Variants in FAM118B observed in about 807,000 individuals in gnomAD.
The protein encoded by FAM118B is protein FAM118B.
FAM118B carries 24 observed loss-of-function variants against 38.5 expected under a neutral mutation model. The observed-to-expected ratio is 0.62, with a 90% CI of 0.45 to 0.88. The LOEUF is 0.88. FAM118B is among the 40% of genes least tolerant of loss of function. The pLI is 0.00. For missense variants in FAM118B, 334 were observed against 420.0 expected, an observed-to-expected ratio of 0.80 and a Z score of 1.79; for synonymous variants, 138 against 156.3, an observed-to-expected ratio of 0.88 and a Z score of 0.87.
At chr11:126,230,728 A>G (rs181970973) in intron 2 of FAM118B, among the ~76,000 whole-genome samples, 2 of 152,322 alleles carry the variant, frequency 1.3e-5, no homozygotes, top group African/African-American at 2.4e-5. Context: ...GCTGAGGAGT[A>G]TGCACTGGAC....
chr11:126,259,023 G>C (rs1307173412), intron 7 of FAM118B, among the ~76,000 whole-genome samples: 1 of 152,164 alleles, frequency 6.6e-6, no homozygotes, highest in African/African-American at 2.4e-5. Context: ...AAGGTGTTCT[G>C]TATCTTTAAA....
intron 1 of FAM118B, among the ~76,000 whole-genome samples, chr11:126,227,156 G>A (rs1191951551): frequency 6.9e-5 from 10 of 144,354 alleles, no homozygotes; most frequent in East Asian, 4.3e-4. Flanking sequence ...TCCGCCTCCC[G>A]GGTTCAAGCG....
At chr11:126,227,764 G>A (rs1950161844) in intron 1 of FAM118B, among the ~76,000 whole-genome samples, 1 of 152,026 alleles carries the variant, frequency 6.6e-6, no homozygotes, top group Non-Finnish European at 1.5e-5. Context: ...TTACACTTGA[G>A]GGTTTTTAAT....
chr11:126,241,199 A>G (rs10893489), intron 4 of FAM118B, 155 bp downstream of exon 4: 82,290 of 712,310 alleles, frequency 0.12, 4,799 homozygotes, highest in South Asian at 0.14. Context: ...CTTCTGCGCA[A>G]TGTCTGTTTA....
At chr11:126,261,362 C>T (rs1418189132) in intron 7 of FAM118B, 63 bp from the exon 8 acceptor site, 3 of 1,409,274 alleles carry the variant, frequency 2.1e-6, no homozygotes, top group African/African-American at 1.4e-5. Context: ...CTTTAGTTTT[C>T]TTTTTGCTAT....
chr11:126,250,429 T>G lies in FAM118B; in HGVS notation c.340-77T>G, dbSNP rs375242999. 3.1e-6 allele frequency: 3 copies of G among 958,328 alleles called. No individual in the cohort carries two copies. The highest frequency in any genetic ancestry group is 2.2e-5 in the Admixed American group (1 of 46,072). The allele number at this position is 958,328 out of a possible 1,614,324, so 59.4% of individuals were successfully genotyped here. Reference sequence around the variant, plus strand: ...TGAATTCAAAATATTCTTCCAAAATTTGTTACTGCTGTAACTAAAACAACT... The same window carrying G: ...TGAATTCAAAATATTCTTCCAAAATGTGTTACTGCTGTAACTAAAACAACT... On this transcript the variant is annotated intron_variant, in intron 4 of 8. Transcript: ENST00000533050. This position sits in a 1 kb window ranked among gnomAD's most constrained non-coding sequence, Gnocchi z 5.1.
intron 1 of FAM118B, among the ~76,000 whole-genome samples, chr11:126,212,689 G>C (rs1949901804): frequency 2.6e-5 from 4 of 152,204 alleles, no homozygotes; most frequent in Admixed American, 2.6e-4. Flanking sequence ...GCTGCCTGAG[G>C]AGTTATTAGA....
rs1950493886 is a variant in FAM118B at position 126,250,810 on chromosome 11, A to G, written c.567+77A>G. On this transcript the variant is annotated intron_variant, in intron 5 of 8. Transcript: ENST00000533050. The surrounding 1 kb of genome is among the most constrained non-coding windows in gnomAD (Gnocchi z 5.1). Reference sequence around the variant, plus strand: ...TCAGAAAAGCTCTTTTCTAGTTGGTATATTGGTATTTATGTAGAGCTAGAA... The same window carrying G: ...TCAGAAAAGCTCTTTTCTAGTTGGTGTATTGGTATTTATGTAGAGCTAGAA... The G allele has an allele frequency of 4.3e-6, 5 of 1,162,018 alleles. No homozygotes were observed. In the South Asian group the frequency reaches 7.6e-5, roughly 18 times the overall value. The allele number at this position is 1,162,018 out of a possible 1,614,324, so 72.0% of individuals were successfully genotyped here. A position where few individuals can be genotyped will look rare whatever the true frequency, so the allele number is the denominator to read the frequency against.
chr11:126,243,835 C>A (rs1394609393), intron 4 of FAM118B, among the ~76,000 whole-genome samples: 2 of 150,142 alleles, frequency 1.3e-5, no homozygotes, highest in African/African-American at 4.9e-5. Flanking sequence ...ACCCGGGAGG[C>A]AGGGGCTGCA....
intron 5 of FAM118B, among the ~76,000 whole-genome samples, chr11:126,251,561 C>T (rs1038819227): frequency 3.9e-5 from 6 of 152,148 alleles, no homozygotes; most frequent in African/African-American, 7.2e-5. Flanking sequence ...AAGTGTCTTC[C>T]GCCTACGCCC....
rs1565322419 is a variant in FAM118B at position 126,214,508 on chromosome 11, T to TTTTTG, written c.-77+2682_-77+2683insGTTTT. On this transcript the variant is annotated intron_variant, in intron 1 of 8. Coordinates refer to ENST00000533050, the MANE Select transcript of FAM118B (RefSeq NM_024556.4). The stretch of plus-strand genomic sequence containing the variant: ...TGTTTCTGTTTTTTTTTTTTGTTTT[T>TTTTTG]TTTTTGTTTTTTTTTTTTTACCTCT... 1.4e-4 allele frequency: 7 copies of TTTTTG among 51,302 alleles called. 1 individual carries two copies. Among genetic ancestry groups the TTTTTG allele is most frequent in the African/African-American group, 4.1e-4 (7 of 17,200 alleles). 3.2% of individuals were successfully genotyped at this position (51,302 alleles called of 1,614,324 possible). A position where few individuals can be genotyped will look rare whatever the true frequency, so the allele number is the denominator to read the frequency against.
At chr11:126,223,449 T>A (rs1950093318) in intron 1 of FAM118B, among the ~76,000 whole-genome samples, 1 of 151,606 alleles carries the variant, frequency 6.6e-6, no homozygotes, top group Non-Finnish European at 1.5e-5. Flanking sequence ...ATACAAAAAA[T>A]TAGCCGGGTG....
intron 2 of FAM118B, among the ~76,000 whole-genome samples, 188 bp from the exon 3 acceptor site, chr11:126,234,807 T>C (rs1413969646): frequency 1.3e-5 from 2 of 152,212 alleles, no homozygotes; most frequent in Non-Finnish European, 2.9e-5. Flanking sequence ...AGATTACTTC[T>C]TTTAGACTAA....
Position 126,250,090 on chromosome 11 carries a change from G to C in FAM118B, c.340-416G>C, listed in dbSNP as rs1290518892. Reference sequence around the variant, plus strand: ...TGAGATAGATAATATTTTATCCCCGGGATTTTTTTTTTTTTTTTTGAGATG... The same window carrying C: ...TGAGATAGATAATATTTTATCCCCGCGATTTTTTTTTTTTTTTTTGAGATG... On this transcript the variant is annotated intron_variant, in intron 4 of 8. Transcript: ENST00000533050. This position sits in a 1 kb window ranked among gnomAD's most constrained non-coding sequence, Gnocchi z 5.1. 2.3e-5 allele frequency among the ~76,000 whole-genome samples: 3 copies of C among 131,446 alleles called. No homozygotes were observed. The highest frequency in any genetic ancestry group is 4.8e-5 in the Non-Finnish European group (3 of 62,548). 86.2% of individuals were successfully genotyped at this position (131,446 alleles called of 152,430 possible).
chr11:126,214,247 G>A (rs1411301595), intron 1 of FAM118B: 1 of 151,786 alleles, frequency 6.6e-6, no homozygotes. Context: ...CAGCTACTCG[G>A]GAGGCTGAGG....
intron 4 of FAM118B, among the ~76,000 whole-genome samples, chr11:126,247,881 CTA>C (rs1374355097): frequency 7.2e-5 from 10 of 138,786 alleles, no homozygotes; most frequent in Non-Finnish European, 1.1e-4. Flanking sequence ...ATATATATAT[CTA>C]TATATATATA....
intron 3 of FAM118B, among the ~76,000 whole-genome samples, chr11:126,238,318 C>T (rs984784449): frequency 1.9e-4 from 29 of 151,974 alleles, no homozygotes; most frequent in African/African-American, 4.3e-4. Context: ...GCCAAGATTA[C>T]GAGATTCCAT....
At chr11:126,235,173 T>C in intron 3 of FAM118B, 86 bp downstream of exon 3, 1 of 1,070,492 alleles carries the variant, frequency 9.3e-7, no homozygotes, top group Non-Finnish European at 1.4e-6. Context: ...CTATATCAGT[T>C]GTTTTCACTA....
chr11:126,233,917 A>G (rs1441120566), intron 2 of FAM118B, among the ~76,000 whole-genome samples: 1 of 152,132 alleles, frequency 6.6e-6, no homozygotes, highest in Non-Finnish European at 1.5e-5. Flanking sequence ...CCCCCTCTCT[A>G]CAAACAGTAC....
Sources: allele counts gnomAD v4.1 joint callset (sites outside exome capture counted in the v4.1 genomes callset), GRCh38; gene constraint gnomAD v4.1.1; non-coding constraint Gnocchi (gnomAD v3.1); transcripts MANE v1.5; gene names NCBI Gene and HGNC (gene_info 2026-07-23, HGNC 2026-07-21).